CNTN5: variants seen among roughly 807,000 people sequenced by gnomAD.
CNTN5 encodes the protein contactin 5.
Under a neutral mutation model 129.1 loss-of-function variants are expected in CNTN5, and 77 were observed. The observed-to-expected ratio is 0.60, with a 90% confidence interval of 0.50 to 0.72. The LOEUF (loss-of-function observed/expected upper bound fraction) is 0.72. Ranked by LOEUF, CNTN5 falls within the 30% of genes least tolerant of loss-of-function variation. The pLI is 0.00. For missense variants in CNTN5, 1,478 were observed against 1,328.8 expected (o/e 1.11, Z -1.75); for synonymous variants, 509 against 465.6 (o/e 1.09, Z -1.20).
At chr11:100,217,281 G>T (rs1159500492) in intron 15 of CNTN5, among the ~76,000 whole-genome samples, 1 of 151,954 alleles carries the variant, frequency 6.6e-6, no homozygotes, top group Non-Finnish European at 1.5e-5. Context: ...TGACTTTTAT[G>T]CTAGTCACTG....
At chr11:99,754,021 C>CA (rs1228878634) in intron 3 of CNTN5, among the ~76,000 whole-genome samples, 5 of 150,750 alleles carry the variant, frequency 3.3e-5, no homozygotes, top group Middle Eastern at 3.4e-3. Context: ...AACAAAAAAA[C>CA]AAAAAAACAC....
intron 2 of CNTN5, among the ~76,000 whole-genome samples, chr11:99,381,590 C>T (rs1281926635): frequency 2.0e-5 from 3 of 152,034 alleles, no homozygotes; most frequent in East Asian, 3.9e-4. Context: ...TTGTCTTTTG[C>T]CTTTCTCACA....
chr11:100,002,133 G>A lies in CNTN5; in HGVS notation c.977G>A (p.Gly326Asp). 1 of 1,548,740 alleles carries A rather than the reference G, an allele frequency of 6.5e-7. No homozygotes were observed. Among genetic ancestry groups the A allele is most frequent in the Non-Finnish European group, 8.7e-7 (1 of 1,152,606 alleles). ...TTVKMECFAL[G>D]NPVPTITWMK... is the part of the protein sequence containing the mutation. ...GTTAAGATGGAATGCTTTGCACTTG[G>A]CAAGTAAGTACATGTTCTTCCATAA... is the stretch of plus-strand genomic sequence containing the variant. Residue 326 changes from glycine to aspartate, a missense_variant, in exon 9 of 25, where the codon GGC becomes GAC. Gly to Asp is a moderately conservative substitution (Grantham distance 94). Coordinates refer to ENST00000524871, the MANE Select transcript of CNTN5 (RefSeq NM_014361.4).
chr11:100,059,564 A>G (rs1808362212), intron 9 of CNTN5, among the ~76,000 whole-genome samples: 1 of 152,178 alleles, frequency 6.6e-6, no homozygotes, highest in East Asian at 1.9e-4. Flanking sequence ...CAGAAATGCA[A>G]ATGCAAATGG....
At chr11:99,178,076 A>G (rs992959318) in intron 1 of CNTN5, among the ~76,000 whole-genome samples, 2 of 152,154 alleles carry the variant, frequency 1.3e-5, no homozygotes, top group Admixed American at 6.5e-5. Context: ...GTAACCGTAC[A>G]TGAAGTGAAC....
intron 1 of CNTN5, among the ~76,000 whole-genome samples, chr11:99,116,014 T>C (rs1858028881): frequency 6.6e-6 from 1 of 152,222 alleles, no homozygotes; most frequent in Admixed American, 6.5e-5. Context: ...ACAATCACCC[T>C]ATGCTGTATT....
At chr11:99,646,708 A>G (rs905885566) in intron 3 of CNTN5, among the ~76,000 whole-genome samples, 1 of 151,912 alleles carries the variant, frequency 6.6e-6, no homozygotes, top group Non-Finnish European at 1.5e-5. Context: ...GCCCATTAGT[A>G]TATCTCACTG....
At chr11:99,803,961 T>C (rs1484980498) in intron 3 of CNTN5, among the ~76,000 whole-genome samples, 2 of 152,200 alleles carry the variant, frequency 1.3e-5, no homozygotes, top group Non-Finnish European at 2.9e-5. Context: ...ATCTACCATC[T>C]TGGGTTTTTA....
At chr11:99,424,744 T>C (rs1200476359) in intron 2 of CNTN5, among the ~76,000 whole-genome samples, 1 of 152,230 alleles carries the variant, frequency 6.6e-6, no homozygotes, top group East Asian at 1.9e-4. Flanking sequence ...TCTTCTCTTA[T>C]TTTCATCGCC....
chr11:99,508,927 C>T (rs1946731217), intron 2 of CNTN5, among the ~76,000 whole-genome samples: 1 of 152,120 alleles, frequency 6.6e-6, no homozygotes, highest in Admixed American at 6.5e-5. Flanking sequence ...GTGATCAGCC[C>T]GCCGCAGCCT....
chr11:99,763,144 T>G (rs536019524), intron 3 of CNTN5, among the ~76,000 whole-genome samples: 23 of 152,256 alleles, frequency 1.5e-4, no homozygotes, highest in African/African-American at 4.8e-4. Context: ...AACAATGTTT[T>G]CTCTGAATTT....
intron 2 of CNTN5, among the ~76,000 whole-genome samples, chr11:99,407,249 A>G (rs926047707): frequency 4.6e-5 from 7 of 152,152 alleles, no homozygotes; most frequent in African/African-American, 1.2e-4. Context: ...TCAGGGCCCA[A>G]GGGCTCTTCA....
At chr11:99,799,429 G>T (rs959537339) in intron 3 of CNTN5, among the ~76,000 whole-genome samples, 6 of 151,772 alleles carry the variant, frequency 4.0e-5, no homozygotes, top group Non-Finnish European at 8.8e-5. Context: ...TTCATTCAAT[G>T]CCTTGTTTCT....
intron 2 of CNTN5, among the ~76,000 whole-genome samples, chr11:99,367,343 GT>G (rs149126727): frequency 0.077 from 11,524 of 149,108 alleles, 505 homozygotes; most frequent in Non-Finnish European, 0.097. Context: ...GTTTGAAACA[GT>G]TTTTTTTTTA....
intron 2 of CNTN5, among the ~76,000 whole-genome samples, chr11:99,446,026 G>A (rs139788273): frequency 0.01 from 1,543 of 150,690 alleles, 29 homozygotes; most frequent in African/African-American, 0.035. Flanking sequence ...GGAGGTTGCA[G>A]TGAGCCAAGG....
chr11:99,960,085 T>G (rs1345808608), intron 8 of CNTN5, among the ~76,000 whole-genome samples: 1 of 152,170 alleles, frequency 6.6e-6, no homozygotes, highest in Non-Finnish European at 1.5e-5. Context: ...TTCCATAAGG[T>G]TCTCATAAAA....
chr11:99,681,330 T>A (rs1953540538), intron 3 of CNTN5, among the ~76,000 whole-genome samples: 1 of 131,222 alleles, frequency 7.6e-6, no homozygotes. Flanking sequence ...CATTCTACAC[T>A]ACTAAGAATT....
intron 18 of CNTN5, among the ~76,000 whole-genome samples, chr11:100,286,607 C>T (rs1216721506): frequency 1.4e-5 from 2 of 147,022 alleles, no homozygotes; most frequent in East Asian, 2.0e-4. Flanking sequence ...CCCATCTGTA[C>T]ATCACCATCA....
At chr11:99,289,622 T>C (rs951569347) in intron 1 of CNTN5, among the ~76,000 whole-genome samples, 37 of 151,822 alleles carry the variant, frequency 2.4e-4, no homozygotes, top group Admixed American at 9.9e-4. Flanking sequence ...ACTTTGATCA[T>C]CATCCCTGTA....
Sources: allele counts gnomAD v4.1 joint callset (sites outside exome capture counted in the v4.1 genomes callset), GRCh38; gene constraint gnomAD v4.1.1; transcripts MANE v1.5; gene names NCBI Gene and HGNC (gene_info 2026-07-23, HGNC 2026-07-21).